The following CTNNA3 variants were observed in gnomAD, a reference collection of about 807,000 sequenced individuals.
CTNNA3 encodes the protein catenin alpha 3.
CTNNA3 carries 76 observed loss-of-function variants against 95.7 expected under a neutral mutation model. The observed-to-expected ratio is 0.79, with a 90% CI of 0.66 to 0.96. The LOEUF (loss-of-function observed/expected upper bound fraction) is 0.96. Ranked by LOEUF, CTNNA3 falls within the 40% of genes least tolerant of loss-of-function variation. The pLI is 0.00. For missense variants in CTNNA3, 1,191 were observed against 1,089.8 expected (o/e 1.09, Z -1.31); for synonymous variants, 431 against 374.4 (o/e 1.15, Z -1.74).
chr10:66,260,665 G>A (rs572726418), intron 13 of CTNNA3, among the ~76,000 whole-genome samples: 12 of 152,070 alleles, frequency 7.9e-5, no homozygotes, highest in African/African-American at 2.9e-4. Context: ...GCAGGAAAAA[G>A]CAGAACAGGT....
intron 16 of CTNNA3, among the ~76,000 whole-genome samples, chr10:65,978,058 C>A (rs2133292116): frequency 6.6e-6 from 1 of 152,142 alleles, no homozygotes; most frequent in East Asian, 1.9e-4. Context: ...TTTTCCTCTA[C>A]TTTTAATGCC....
chr10:66,914,462 C>T (rs147634730), intron 7 of CTNNA3, among the ~76,000 whole-genome samples: 167 of 151,740 alleles, frequency 1.1e-3, no homozygotes, highest in African/African-American at 4.0e-3. Flanking sequence ...AGAGAAACGC[C>T]TCCAACATGA....
Position 65,988,761 on chromosome 10 carries a change from G to C in CTNNA3, c.2196C>G (p.Ile732Met). ...ATTCTGATATCATTTTCGCTGCATA[G>C]ATCACATCAGTTGTATGCTTTAGTG... ...KGPLKHTTDV[I>M]YAAKMISESG... Residue 732 changes from isoleucine (I) to methionine (M), a missense_variant, in exon 16 of 18, where the codon ATC becomes ATG. Ile to Met is a conservative substitution (Grantham distance 10). Coordinates refer to ENST00000433211, the MANE Select transcript of CTNNA3 (RefSeq NM_013266.4). 6.2e-7 allele frequency: 1 copy of C among 1,613,912 alleles called. No homozygotes were observed. The highest frequency in any genetic ancestry group is 8.5e-7 in the Non-Finnish European group (1 of 1,179,910).
intron 10 of CTNNA3, among the ~76,000 whole-genome samples, chr10:66,557,741 T>C (rs1364422524): frequency 6.6e-6 from 1 of 152,152 alleles, no homozygotes; most frequent in Non-Finnish European, 1.5e-5. Context: ...ATTGTTGAGC[T>C]CCTCCTTTTC....
intron 5 of CTNNA3, among the ~76,000 whole-genome samples, chr10:67,352,828 C>T (rs1467610483): frequency 6.6e-6 from 1 of 152,032 alleles, no homozygotes; most frequent in African/African-American, 2.4e-5. Context: ...CACTTTCTTT[C>T]CTCTCTTCTT....
chr10:66,662,498 C>G (rs138316108), intron 9 of CTNNA3, among the ~76,000 whole-genome samples: 3 of 152,140 alleles, frequency 2.0e-5, no homozygotes, highest in African/African-American at 7.2e-5. Flanking sequence ...CTTTCTTCCC[C>G]TTTCATTAAC....
chr10:67,683,548 G>C (rs10997778), intron 1 of CTNNA3, among the ~76,000 whole-genome samples: 1 of 152,012 alleles, frequency 6.6e-6, no homozygotes, highest in Non-Finnish European at 1.5e-5. Flanking sequence ...ACCCCTAGAG[G>C]CCTCATCAAC....
chr10:66,244,133 G>A (rs1345107401), intron 13 of CTNNA3, among the ~76,000 whole-genome samples: 2 of 152,224 alleles, frequency 1.3e-5, no homozygotes, highest in Non-Finnish European at 2.9e-5. Context: ...CAAGCTGATG[G>A]TGGTGATGGA....
intron 5 of CTNNA3, among the ~76,000 whole-genome samples, chr10:67,439,407 T>C (rs1344050177): frequency 2.0e-5 from 3 of 151,998 alleles, no homozygotes; most frequent in Non-Finnish European, 2.9e-5. Flanking sequence ...TTACAATCAA[T>C]GGCAAAAGGC....
chr10:67,039,162 T>A (rs1337511284), intron 7 of CTNNA3, among the ~76,000 whole-genome samples: 1 of 152,096 alleles, frequency 6.6e-6, no homozygotes, highest in African/African-American at 2.4e-5. Context: ...AGCTATACTG[T>A]TACCATACTT....
At chr10:67,383,136 T>A (rs889923094) in intron 5 of CTNNA3, among the ~76,000 whole-genome samples, 2 of 152,214 alleles carry the variant, frequency 1.3e-5, no homozygotes, top group African/African-American at 4.8e-5. Context: ...TTACATATTA[T>A]ACATATTATA....
chr10:66,915,839 C>G (rs1178152918), intron 7 of CTNNA3, among the ~76,000 whole-genome samples: 1 of 151,646 alleles, frequency 6.6e-6, no homozygotes, highest in Admixed American at 6.6e-5. Context: ...ACCTCTGCCT[C>G]CCGAGTTCAA....
intron 12 of CTNNA3, among the ~76,000 whole-genome samples, chr10:66,325,050 G>C (rs115333008): frequency 0.011 from 1,721 of 151,952 alleles, 28 homozygotes; most frequent in African/African-American, 0.04. Context: ...GTCCCAGAGA[G>C]GAGGGAGCTA....
chr10:66,430,849 AC>A (rs2093288530), intron 11 of CTNNA3, among the ~76,000 whole-genome samples: 1 of 152,216 alleles, frequency 6.6e-6, no homozygotes, highest in Non-Finnish European at 1.5e-5. Context: ...ATGGGCAAGG[AC>A]TTCATGTCTA....
intron 10 of CTNNA3, among the ~76,000 whole-genome samples, chr10:66,542,953 A>G (rs1236190658): frequency 6.6e-6 from 1 of 152,138 alleles, no homozygotes. Flanking sequence ...TAGAAATTCT[A>G]CTTTTAGAAA....
intron 5 of CTNNA3, among the ~76,000 whole-genome samples, chr10:67,426,162 T>A (rs1166931386): frequency 6.6e-6 from 1 of 152,044 alleles, no homozygotes; most frequent in African/African-American, 2.4e-5. Flanking sequence ...AAAATGACCT[T>A]GAACTAACAT....
intron 9 of CTNNA3, among the ~76,000 whole-genome samples, chr10:66,692,421 A>G (rs12258378): frequency 0.095 from 14,427 of 151,956 alleles, 725 homozygotes; most frequent in Middle Eastern, 0.19. Flanking sequence ...AAAAAAGAAC[A>G]AAAAGAAACG....
intron 7 of CTNNA3, among the ~76,000 whole-genome samples, chr10:66,994,347 G>A (rs761677398): frequency 2.0e-4 from 31 of 152,110 alleles, no homozygotes; most frequent in Non-Finnish European, 3.2e-4. Context: ...TAATAACTTC[G>A]AAATTTGCTT....
chr10:66,677,538 G>A (rs1243657665), intron 9 of CTNNA3, among the ~76,000 whole-genome samples: 1 of 152,028 alleles, frequency 6.6e-6, no homozygotes, highest in Non-Finnish European at 1.5e-5. Flanking sequence ...TCATGGGAAG[G>A]ACCCAATGGG....
Sources: allele counts gnomAD v4.1 joint callset (sites outside exome capture counted in the v4.1 genomes callset), GRCh38; gene constraint gnomAD v4.1.1; transcripts MANE v1.5; gene names NCBI Gene and HGNC (gene_info 2026-07-23, HGNC 2026-07-21).